The following ENOX1 variants were observed in gnomAD, a reference collection of about 807,000 sequenced individuals.
The protein encoded by ENOX1 is candidate growth-related and time keeping constitutive hydroquinone (NADH) oxidase.
Under a neutral mutation model 82.5 loss-of-function variants are expected in ENOX1, and 42 were observed. The observed-to-expected ratio is 0.51, with a 90% confidence interval of 0.40 to 0.66. The LOEUF is 0.66. ENOX1 is among the 30% of genes least tolerant of loss of function. The pLI, the probability that ENOX1 is intolerant of heterozygous loss-of-function variation, is 0.00. For synonymous variants in ENOX1, 271 were observed against 282.2 expected (o/e 0.96, Z 0.40); for missense variants, 608 against 811.6 (o/e 0.75, Z 3.05).
chr13:43,666,049 T>C (rs2084960944), intron 2 of ENOX1, among the ~76,000 whole-genome samples: 1 of 151,794 alleles, frequency 6.6e-6, no homozygotes, highest in African/African-American at 2.4e-5. Flanking sequence ...TATACTATAC[T>C]CTATTAATTG....
At chr13:43,456,072 C>T (rs2057213507) in intron 3 of ENOX1, among the ~76,000 whole-genome samples, 1 of 152,090 alleles carries the variant, frequency 6.6e-6, no homozygotes, top group Admixed American at 6.5e-5. Flanking sequence ...AGTTTAATTT[C>T]CAATACCTCC....
chr13:43,233,970 T>C (rs547718032), intron 15 of ENOX1, among the ~76,000 whole-genome samples: 40 of 152,324 alleles, frequency 2.6e-4, no homozygotes, highest in Admixed American at 2.5e-3. Flanking sequence ...CCTAGAATCA[T>C]TCAGTGCATG....
At position 43,412,065 on chromosome 13, in the gene ENOX1, A is replaced by T; in HGVS notation, c.71-12T>A. On this transcript the variant is annotated splice_polypyrimidine_tract_variant and intron_variant, in intron 4 of 16. Coordinates refer to ENST00000690772, the MANE Select transcript of ENOX1 (RefSeq NM_001347969.2). Reference sequence around the variant, plus strand: ...CAAACCATCGGCTGCTGTGGGGAAAAACAAACCATGATTTAGAGTCCATAG... The same window carrying T: ...CAAACCATCGGCTGCTGTGGGGAAATACAAACCATGATTTAGAGTCCATAG... 6.2e-7 allele frequency: 1 copy of T among 1,612,554 alleles called. No individual in the cohort carries two copies. The highest frequency in any genetic ancestry group is 8.5e-7 in the Non-Finnish European group (1 of 1,178,708).
At chr13:43,452,396 T>A (rs1357343165) in intron 3 of ENOX1, among the ~76,000 whole-genome samples, 2 of 152,214 alleles carry the variant, frequency 1.3e-5, no homozygotes, top group Non-Finnish European at 2.9e-5. Flanking sequence ...CTTGTGTTAG[T>A]TCACTGAGAA....
chr13:43,517,052 C>T (rs889757602), intron 2 of ENOX1, among the ~76,000 whole-genome samples: 1 of 152,158 alleles, frequency 6.6e-6, no homozygotes. Context: ...TGAAAACAGG[C>T]TAAAGCCATT....
intron 2 of ENOX1, among the ~76,000 whole-genome samples, chr13:43,569,072 A>G (rs1373290189): frequency 6.6e-6 from 1 of 152,246 alleles, no homozygotes; most frequent in African/African-American, 2.4e-5. Flanking sequence ...CTTTAAAAAC[A>G]AAAGTAATAG....
At chr13:43,501,451 G>C (rs527601683) in intron 2 of ENOX1, among the ~76,000 whole-genome samples, 1 of 151,854 alleles carries the variant, frequency 6.6e-6, no homozygotes, top group Non-Finnish European at 1.5e-5. Flanking sequence ...AGCAGCAGTA[G>C]AGCAAACATT....
At chr13:43,469,810 C>G (rs886476961) in intron 3 of ENOX1, among the ~76,000 whole-genome samples, 1 of 151,608 alleles carries the variant, frequency 6.6e-6, no homozygotes, top group Admixed American at 6.6e-5. Flanking sequence ...GATATACAAA[C>G]CAATTTTGTA....
chr13:43,260,536 T>C (rs1341372197), intron 14 of ENOX1, among the ~76,000 whole-genome samples: 1 of 152,154 alleles, frequency 6.6e-6, no homozygotes, highest in Non-Finnish European at 1.5e-5. Context: ...TGTCACTGCA[T>C]TTCATTCCTC....
chr13:43,692,045 CTG>C (rs1238317650), intron 1 of ENOX1, among the ~76,000 whole-genome samples: 1 of 152,158 alleles, frequency 6.6e-6, no homozygotes, highest in African/African-American at 2.4e-5. Context: ...CTACCTAACT[CTG>C]TGAGTGAACT....
intron 11 of ENOX1, among the ~76,000 whole-genome samples, chr13:43,302,424 G>C (rs555416067): frequency 2.0e-5 from 3 of 152,014 alleles, no homozygotes; most frequent in Non-Finnish European, 4.4e-5. Flanking sequence ...CTTAAGGCCA[G>C]CACAGTCACC....
chr13:43,231,066 GC>G (rs939250620), intron 15 of ENOX1, among the ~76,000 whole-genome samples: 16 of 152,224 alleles, frequency 1.1e-4, no homozygotes, highest in African/African-American at 3.9e-4. Flanking sequence ...AGACCCTGGG[GC>G]CCATCAGCTC....
At chr13:43,695,526 C>T (rs1342787409) in intron 1 of ENOX1, among the ~76,000 whole-genome samples, 1 of 149,168 alleles carries the variant, frequency 6.7e-6, no homozygotes, top group Non-Finnish European at 1.5e-5. Context: ...CAGCTTATTG[C>T]AACCTCCATC....
chr13:43,214,313 G>A (rs930542577), intron 16 of ENOX1, among the ~76,000 whole-genome samples, 192 bp from the exon 17 acceptor site: 2 of 152,138 alleles, frequency 1.3e-5, no homozygotes, highest in Non-Finnish European at 2.9e-5. Flanking sequence ...AGCAGCTGGC[G>A]GGGTGGGGCG....
At chr13:43,703,218 G>A (rs936666126) in intron 1 of ENOX1, among the ~76,000 whole-genome samples, 3 of 152,166 alleles carry the variant, frequency 2.0e-5, no homozygotes, top group African/African-American at 7.2e-5. Flanking sequence ...GGAGAGGAAT[G>A]ACTTGGGAGG....
chr13:43,359,715 G>A (rs186473562), intron 7 of ENOX1, 136 bp downstream of exon 7: 115 of 785,762 alleles, frequency 1.5e-4, no homozygotes, highest in Non-Finnish European at 2.1e-4. Flanking sequence ...AGCCAAGGAA[G>A]AAGGCAGAAT....
chr13:43,560,538 G>A (rs1207832643), intron 2 of ENOX1, among the ~76,000 whole-genome samples: 1 of 151,898 alleles, frequency 6.6e-6, no homozygotes, highest in Non-Finnish European at 1.5e-5. Context: ...TCTTTGAATA[G>A]CCCATTCATA....
chr13:43,543,907 CTTTTTCTTT>C (rs1391907390), intron 2 of ENOX1: 12 of 131,536 alleles, frequency 9.1e-5, no homozygotes, highest in African/African-American at 3.1e-4. Context: ...TGTCTTTTTT[CTTTTTCTTT>C]TTTTTTTTTT....
chr13:43,296,881 C>T (rs773686378), intron 12 of ENOX1, among the ~76,000 whole-genome samples: 10 of 152,130 alleles, frequency 6.6e-5, no homozygotes, highest in Non-Finnish European at 1.0e-4. Flanking sequence ...CTAGGTCTGG[C>T]GTCATGGTCT....
Sources: gnomAD v4.1 joint callset for allele counts (sites outside exome capture counted in the v4.1 genomes callset) on GRCh38, gnomAD v4.1.1 for gene constraint, MANE v1.5 for transcripts, NCBI Gene and HGNC (gene_info 2026-07-23, HGNC 2026-07-21) for gene names.